LMO3: variants seen among roughly 807,000 people sequenced by gnomAD.
The protein encoded by LMO3 is LIM domain only 3, also known as LIM domain only protein 3.
Under a neutral mutation model 15.8 loss-of-function variants are expected in LMO3, and 2 were observed. The observed-to-expected ratio is 0.13, with a 90% CI of 0.05 to 0.40. The LOEUF is 0.40. LMO3 is among the 10% of genes least tolerant of loss of function. The pLI, the probability that LMO3 is intolerant of heterozygous loss-of-function variation, is 0.99. For missense variants in LMO3, 86 were observed against 182.2 expected, an observed-to-expected ratio of 0.47 and a Z score of 3.04; for synonymous variants, 62 against 63.8, an observed-to-expected ratio of 0.97 and a Z score of 0.13.
intron 2 of LMO3, among the ~76,000 whole-genome samples, chr12:16,583,529 T>C (rs2137556249): frequency 6.6e-6 from 1 of 152,144 alleles, no homozygotes; most frequent in African/African-American, 2.4e-5. Flanking sequence ...GGACATAAAA[T>C]TGGCCTTAGA....
At position 16,589,995 on chromosome 12, in the gene LMO3, C is replaced by T. The variant is rs994053935; in HGVS notation, c.206+10660G>A. On this transcript the variant is annotated intron_variant, in intron 2 of 3. Coordinates refer to ENST00000537304, the MANE Select transcript of LMO3 (RefSeq NM_018640.5). The surrounding 1 kb of genome is among the most constrained non-coding windows in gnomAD (Gnocchi z 4.2). ...GTTTTTGAAAGCCCACCCATTCATCCTGTACCTCCTTATAAGATTCAAAGC... is the reference window on the plus strand; with the variant it reads ...GTTTTTGAAAGCCCACCCATTCATCTTGTACCTCCTTATAAGATTCAAAGC... Among the ~76,000 whole-genome samples, 1 of 152,056 alleles carries T rather than the reference C, an allele frequency of 6.6e-6. No individual in the cohort carries two copies. Among genetic ancestry groups the T allele is most frequent in the African/African-American group, 2.4e-5 (1 of 41,416 alleles).
Position 16,560,178 on chromosome 12 carries a change from T to C in LMO3, c.332+235A>G, listed in dbSNP as rs1942344301. Among the ~76,000 whole-genome samples the C allele has an allele frequency of 6.6e-6, 1 of 152,178 alleles. No homozygotes were observed. On this transcript the variant is annotated intron_variant, in intron 3 of 3. Transcript: ENST00000537304. This position sits in a 1 kb window ranked among gnomAD's most constrained non-coding sequence, Gnocchi z 5.0. ...TAAAAGAAGTCAGAGTTTACGGTAG[T>C]GTTTCCATTTTCTGTTACTTGCTCT...
intron 3 of LMO3, among the ~76,000 whole-genome samples, chr12:16,552,835 T>G (rs1942041427): frequency 6.6e-6 from 1 of 152,092 alleles, no homozygotes; most frequent in Non-Finnish European, 1.5e-5. Flanking sequence ...ATACTTTAAA[T>G]GTTGCACTTC....
Position 16,576,077 on chromosome 12 carries a change from C to T in LMO3, c.207-15539G>A, listed in dbSNP as rs1394234327. ...TTTTGTCTCAGTAAGCTACTTCTAGCGCGCATCGCTTCTCCCTTGCACTCA... is the reference window on the plus strand; with the variant it reads ...TTTTGTCTCAGTAAGCTACTTCTAGTGCGCATCGCTTCTCCCTTGCACTCA... On this transcript the variant is annotated intron_variant, in intron 2 of 3. Coordinates refer to ENST00000537304, the MANE Select transcript of LMO3 (RefSeq NM_018640.5). This position sits in a 1 kb window ranked among gnomAD's most constrained non-coding sequence, Gnocchi z 4.1. 7.9e-5 allele frequency among the ~76,000 whole-genome samples: 12 copies of T among 152,174 alleles called. No individual in the cohort carries two copies. Among genetic ancestry groups the T allele is most frequent in the Admixed American group, 7.2e-4 (11 of 15,282 alleles).
chr12:16,560,499 C>T lies in LMO3; in HGVS notation c.246G>A (p.Lys82=). The part of the protein sequence containing the change: ...GVTGNCAACS[K]LIPAFEMVMR... ...TCACCATCTCAAAGGCAGGGATGAG[C>T]TTACTACAGGCAGCGCAGTTTCCCG... The change falls in exon 3 of 4, where the codon AAG becomes AAA. Residue 82 remains lysine, a synonymous_variant. Transcript: ENST00000537304. The surrounding 1 kb of genome is among the most constrained non-coding windows in gnomAD (Gnocchi z 5.0). 1 of 1,613,796 alleles carries T rather than the reference C, an allele frequency of 6.2e-7. No individual in the cohort carries two copies. Among genetic ancestry groups the T allele is most frequent in the Non-Finnish European group, 8.5e-7 (1 of 1,179,850 alleles).
intron 1 of LMO3, chr12:16,605,586 G>C (rs577078989): frequency 1.9e-4 from 131 of 674,982 alleles, no homozygotes; most frequent in Non-Finnish European, 2.5e-4. Context: ...GGGGGTTCAT[G>C]AATTCCAGCA....
At chr12:16,605,905 G>T (rs1489601612) in intron 1 of LMO3, 161 bp downstream of exon 1, 1 of 1,387,118 alleles carries the variant, frequency 7.2e-7, no homozygotes, top group Non-Finnish European at 9.9e-7. Flanking sequence ...TGCAGCCCGA[G>T]TGAAAGTTGC....
At chr12:16,575,674 G>A (rs1157720033) in intron 2 of LMO3, among the ~76,000 whole-genome samples, 3 of 152,072 alleles carry the variant, frequency 2.0e-5, no homozygotes, top group Admixed American at 6.6e-5. Flanking sequence ...TAGGAGAGCT[G>A]GACTCCACAC....
rs546498644 is a variant in LMO3 at position 16,585,069 on chromosome 12, A to T, written c.206+15586T>A. On this transcript the variant is annotated intron_variant, in intron 2 of 3. Coordinates refer to ENST00000537304, the MANE Select transcript of LMO3 (RefSeq NM_018640.5). This position sits in a 1 kb window ranked among gnomAD's most constrained non-coding sequence, Gnocchi z 4.7. ...TCTAGAAAAAATATCTGGTTTATCC[A>T]GAAAAATCAGCAACATTAGGCCCAC... 6.6e-6 allele frequency among the ~76,000 whole-genome samples: 1 copy of T among 152,338 alleles called. No homozygotes were observed. Among genetic ancestry groups the T allele is most frequent in the East Asian group, 1.9e-4 (1 of 5,186 alleles).
intron 3 of LMO3, 121 bp from the exon 4 acceptor site, chr12:16,551,448 T>C (rs1006062148): frequency 1.6e-6 from 1 of 639,588 alleles, no homozygotes; most frequent in Non-Finnish European, 2.8e-6. Context: ...AAAACCTGGC[T>C]TAGACAGTTG....
At chr12:16,605,648 G>T in intron 1 of LMO3, 1 of 1,005,566 alleles carries the variant, frequency 9.9e-7, no homozygotes, top group Non-Finnish European at 1.5e-6. Flanking sequence ...CTTTTCCTAT[G>T]GGCTGGGAGC....
chr12:16,579,324 G>A (rs1943090002), intron 2 of LMO3, among the ~76,000 whole-genome samples: 1 of 152,180 alleles, frequency 6.6e-6, no homozygotes, highest in Non-Finnish European at 1.5e-5. Flanking sequence ...CAATAGCTGT[G>A]TTTCACAAGG....
upstream of LMO3, chr12:16,608,714 G>A (rs1764143028): frequency 6.6e-6 from 1 of 152,022 alleles, no homozygotes; most frequent in Non-Finnish European, 1.5e-5. The surrounding 1 kb of genome is among the most constrained non-coding windows in gnomAD (Gnocchi z 4.1). Flanking sequence ...GAGAGAGAGA[G>A]AGAGAAGGAG....
intron 2 of LMO3, among the ~76,000 whole-genome samples, chr12:16,588,329 T>C (rs1378582931): frequency 6.6e-6 from 1 of 151,960 alleles, no homozygotes. Flanking sequence ...AAGAACACTG[T>C]GAAAAATAAT....
At position 16,598,753 on chromosome 12, in the gene LMO3, C is replaced by T. The variant is rs1435332867; in HGVS notation, c.206+1902G>A. ...CAAATCTAAGATTACTGTCTTTGCT[C>T]GATGCTATGTTGACAGCTAAGAAGC... On this transcript the variant is annotated intron_variant, in intron 2 of 3. Transcript: ENST00000537304. The surrounding 1 kb of genome is among the most constrained non-coding windows in gnomAD (Gnocchi z 4.3). 2 of 154,538 alleles carry T rather than the reference C, an allele frequency of 1.3e-5. No homozygotes were observed. Among genetic ancestry groups the T allele is most frequent in the African/African-American group, 4.8e-5 (2 of 41,648 alleles). 9.6% of individuals were successfully genotyped at this position (154,538 alleles called of 1,614,324 possible). A position where few individuals can be genotyped will look rare whatever the true frequency, so the allele number is the denominator to read the frequency against.
rs1943481519 is a variant in LMO3, at chr12:16,591,044, T to C, written c.206+9611A>G. ...TTGATTTCACAACTGCCTCACTGAA[T>C]AAGCTTTACAATGGTTTTCAAATTG... On this transcript the variant is annotated intron_variant, in intron 2 of 3. Coordinates refer to ENST00000537304, the MANE Select transcript of LMO3 (RefSeq NM_018640.5). This position sits in a 1 kb window ranked among gnomAD's most constrained non-coding sequence, Gnocchi z 4.1. 6.6e-6 allele frequency among the ~76,000 whole-genome samples: 1 copy of C among 152,080 alleles called. No individual in the cohort carries two copies. The highest frequency in any genetic ancestry group is 6.6e-5 in the Admixed American group (1 of 15,256).
At chr12:16,561,746 T>A (rs1942413526) in intron 2 of LMO3, among the ~76,000 whole-genome samples, 1 of 152,248 alleles carries the variant, frequency 6.6e-6, no homozygotes, top group Non-Finnish European at 1.5e-5. Context: ...ATGACAGTTG[T>A]TGGAAACAGT....
chr12:16,568,169 T>C (rs1310722488), intron 2 of LMO3, among the ~76,000 whole-genome samples: 1 of 152,166 alleles, frequency 6.6e-6, no homozygotes, highest in Non-Finnish European at 1.5e-5. Flanking sequence ...GGAAACCTGA[T>C]TTCCCATTAG....
chr12:16,608,873 C>G (rs1424037387), upstream of LMO3: 1 of 152,106 alleles, frequency 6.6e-6, no homozygotes, highest in Non-Finnish European at 1.5e-5. The surrounding 1 kb of genome is among the most constrained non-coding windows in gnomAD (Gnocchi z 4.1). Flanking sequence ...TTAGATGGGT[C>G]ATAAAATGCT....
Sources: gnomAD v4.1 joint callset for allele counts (sites outside exome capture counted in the v4.1 genomes callset) on GRCh38, gnomAD v4.1.1 for gene constraint, Gnocchi (gnomAD v3.1) non-coding constraint, MANE v1.5 for transcripts, NCBI Gene and HGNC (gene_info 2026-07-23, HGNC 2026-07-21) for gene names.